Variants in LRRIQ1 observed in about 807,000 individuals in gnomAD.
LRRIQ1 encodes the protein leucine rich repeats and IQ motif containing 1.
In LRRIQ1, 210 loss-of-function variants were observed where a neutral mutation model predicts 211.9. That is an observed-to-expected ratio of 0.99 (90% CI 0.89 to 1.11). The LOEUF (loss-of-function observed/expected upper bound fraction) is 1.11. Ranked by LOEUF, LRRIQ1 falls within the 50% of genes most tolerant of loss-of-function variation. The probability of loss-of-function intolerance (pLI) is 0.00; values close to 1 mark genes in which losing one functional copy is unlikely to be tolerated. For missense variants in LRRIQ1, 2,136 were observed against 1,939.5 expected, an observed-to-expected ratio of 1.10 and a Z score of -1.90; for synonymous variants, 699 against 650.1, an observed-to-expected ratio of 1.08 and a Z score of -1.14.
At chr12:85,216,040 G>T (rs1352541934) in intron 24 of LRRIQ1, among the ~76,000 whole-genome samples, 1 of 152,044 alleles carries the variant, frequency 6.6e-6, no homozygotes, top group East Asian at 1.9e-4. Context: ...TTGTAATTTT[G>T]CTTTAAGTTC....
chr12:85,215,806 C>T (rs556498985), intron 24 of LRRIQ1, among the ~76,000 whole-genome samples: 4 of 152,116 alleles, frequency 2.6e-5, no homozygotes, highest in African/African-American at 4.8e-5. Flanking sequence ...AAAAAAGAAC[C>T]GTATCTATAC....
chr12:85,036,950 A>G (rs1030440011), intron 1 of LRRIQ1, among the ~76,000 whole-genome samples: 1 of 152,086 alleles, frequency 6.6e-6, no homozygotes, highest in Non-Finnish European at 1.5e-5. Flanking sequence ...CACGTCATAT[A>G]CAGTAACCAC....
At chr12:85,132,503 C>A (rs1888840606) in intron 18 of LRRIQ1, among the ~76,000 whole-genome samples, 1 of 152,128 alleles carries the variant, frequency 6.6e-6, no homozygotes, top group Non-Finnish European at 1.5e-5. Context: ...CCTGGTGGAG[C>A]ACTCCTGTAA....
rs189214741 is a variant in LRRIQ1 at position 85,190,149 on chromosome 12, A to G, written c.4822+29435A>G. Reference sequence around the variant, plus strand: ...ATTATATTATATTTATATATAATATAGTAATATAACAATATATTATGTATG... The same window carrying G: ...ATTATATTATATTTATATATAATATGGTAATATAACAATATATTATGTATG... On this transcript the variant is annotated intron_variant, in intron 24 of 26. Coordinates refer to ENST00000393217, the MANE Select transcript of LRRIQ1 (RefSeq NM_001079910.2). 2.0e-3 allele frequency among the ~76,000 whole-genome samples: 280 copies of G among 143,528 alleles called. 3 individuals carry two copies. Among genetic ancestry groups the G allele is most frequent in the Non-Finnish European group, 1.8e-3 (116 of 66,204 alleles). The allele number at this position is 143,528 out of a possible 152,430, so 94.2% of individuals were successfully genotyped here. A position where few individuals can be genotyped will look rare whatever the true frequency, so the allele number is the denominator to read the frequency against.
At chr12:85,206,821 A>G (rs974623715) in intron 24 of LRRIQ1, among the ~76,000 whole-genome samples, 5 of 152,108 alleles carry the variant, frequency 3.3e-5, no homozygotes, top group African/African-American at 1.2e-4. Flanking sequence ...AGGCCGGCAG[A>G]CAGAGGGGAA....
At chr12:85,137,600 C>T (rs1293482644) in intron 18 of LRRIQ1, among the ~76,000 whole-genome samples, 1 of 151,506 alleles carries the variant, frequency 6.6e-6, no homozygotes, top group African/African-American at 2.4e-5. Context: ...CCTACATGTG[C>T]AGTTGAGGGA....
chr12:85,210,223 A>G (rs1259813588), intron 24 of LRRIQ1, among the ~76,000 whole-genome samples: 2 of 152,206 alleles, frequency 1.3e-5, no homozygotes, highest in African/African-American at 4.8e-5. Flanking sequence ...GTCAAAAACC[A>G]CAGTATTCTA....
At chr12:85,191,715 G>C (rs1351908811) in intron 24 of LRRIQ1, among the ~76,000 whole-genome samples, 1 of 151,942 alleles carries the variant, frequency 6.6e-6, no homozygotes, top group East Asian at 1.9e-4. Flanking sequence ...AGTGTGTTTA[G>C]TTTTGTAAGA....
At chr12:85,185,199 A>G (rs1892169155) in intron 24 of LRRIQ1, among the ~76,000 whole-genome samples, 1 of 151,946 alleles carries the variant, frequency 6.6e-6, no homozygotes, top group Non-Finnish European at 1.5e-5. Context: ...ACTCGGAAAG[A>G]TAGAATTTCA....
intron 6 of LRRIQ1, among the ~76,000 whole-genome samples, chr12:85,048,851 A>G (rs1378291263): frequency 1.3e-5 from 2 of 152,190 alleles, no homozygotes; most frequent in African/African-American, 4.8e-5. Flanking sequence ...TTTCAGATTT[A>G]AGAAACATCT....
chr12:85,249,172 G>T (rs536713076), downstream of LRRIQ1, among the ~76,000 whole-genome samples: 1 of 151,712 alleles, frequency 6.6e-6, no homozygotes, highest in Admixed American at 6.6e-5. Context: ...GAAATAGATT[G>T]CTAGGAGTTC....
At chr12:85,146,573 A>G (rs761908103) in intron 19 of LRRIQ1, among the ~76,000 whole-genome samples, 1 of 151,494 alleles carries the variant, frequency 6.6e-6, no homozygotes, top group African/African-American at 2.4e-5. Context: ...AAAGATAAAA[A>G]TCTCCCTCTT....
chr12:85,080,793 A>G (rs1884203805), intron 11 of LRRIQ1, among the ~76,000 whole-genome samples: 1 of 151,184 alleles, frequency 6.6e-6, no homozygotes, highest in Non-Finnish European at 1.5e-5. Context: ...TGGTAACTTC[A>G]TTATCTGGAT....
intron 24 of LRRIQ1, among the ~76,000 whole-genome samples, chr12:85,225,106 A>T (rs1193668724): frequency 6.6e-6 from 1 of 152,128 alleles, no homozygotes; most frequent in African/African-American, 2.4e-5. Flanking sequence ...AATTTTTTTT[A>T]AATGCACTTA....
At chr12:85,222,479 A>G (rs1894447097) in intron 24 of LRRIQ1, among the ~76,000 whole-genome samples, 1 of 152,174 alleles carries the variant, frequency 6.6e-6, no homozygotes, top group African/African-American at 2.4e-5. Flanking sequence ...AGTGAATAAT[A>G]CTATAGAGAA....
chr12:85,148,948 CTTTT>C (rs1015848480), intron 19 of LRRIQ1, among the ~76,000 whole-genome samples: 3 of 151,868 alleles, frequency 2.0e-5, no homozygotes, highest in African/African-American at 7.3e-5. Context: ...TAAATGTCTT[CTTTT>C]GAGAAGTGTC....
chr12:85,094,504 T>C lies in LRRIQ1; in HGVS notation c.2888-3851T>C, dbSNP rs538138568. Among the ~76,000 whole-genome samples the C allele has an allele frequency of 2.0e-5, 3 of 152,266 alleles. No individual in the cohort carries two copies. The South Asian group carries it at 6.2e-4, about 32-fold the overall frequency. On this transcript the variant is annotated intron_variant, in intron 11 of 26. Transcript: ENST00000393217. ...TTTTTGTACCAATACCATGCTATTT[T>C]GGTTACTATAGTCTTATAGCATAGT...
In LRRIQ1 at chr12:85,098,347, T is replaced by C; in HGVS notation, c.2888-8T>C. ...GACACAGGTGATCTTATAACTTTTT[T>C]CTTCTAGGTGGTTTAGAATCTTTGA... On this transcript the variant is annotated splice_polypyrimidine_tract_variant and splice_region_variant and intron_variant, in intron 11 of 26. Transcript: ENST00000393217. 1 of 1,578,242 alleles carries C rather than the reference T, an allele frequency of 6.3e-7. No homozygotes were observed. Among genetic ancestry groups the C allele is most frequent in the Non-Finnish European group, 8.6e-7 (1 of 1,156,084 alleles).
intron 24 of LRRIQ1, among the ~76,000 whole-genome samples, chr12:85,193,225 G>T (rs1892699261): frequency 7.8e-6 from 1 of 128,006 alleles, no homozygotes; most frequent in African/African-American, 3.0e-5. Context: ...TGGGGAGAAT[G>T]GAACCAAGTT....
Sources: gnomAD v4.1 joint callset for allele counts (sites outside exome capture counted in the v4.1 genomes callset) on GRCh38, gnomAD v4.1.1 for gene constraint, MANE v1.5 for transcripts, NCBI Gene and HGNC (gene_info 2026-07-23, HGNC 2026-07-21) for gene names.